Variants in CACNB2 observed in about 807,000 individuals in gnomAD.
The protein encoded by CACNB2 is calcium voltage-gated channel auxiliary subunit beta 2.
In CACNB2, 42 loss-of-function variants were observed where a neutral mutation model predicts 73.3. That is an observed-to-expected ratio of 0.57 (90% CI 0.45 to 0.74). The LOEUF is 0.74. Ranked by LOEUF, CACNB2 falls within the 30% of genes least tolerant of loss-of-function variation. The pLI is 0.00. For synonymous variants in CACNB2, 348 were observed against 310.3 expected (o/e 1.12, Z -1.28); for missense variants, 940 against 853.0 (o/e 1.10, Z -1.27).
At chr10:18,211,941 C>T (rs550451076) in intron 2 of CACNB2, among the ~76,000 whole-genome samples, 23 of 151,996 alleles carry the variant, frequency 1.5e-4, no homozygotes, top group Admixed American at 3.3e-4. Context: ...AACGTGCAGA[C>T]GTTTCTCTAG....
chr10:18,362,964 A>G (rs1254896818), intron 2 of CACNB2, among the ~76,000 whole-genome samples: 3 of 152,134 alleles, frequency 2.0e-5, no homozygotes, highest in Non-Finnish European at 4.4e-5. Flanking sequence ...ATGTTAGACC[A>G]GGTCTTCATT....
chr10:18,492,620 C>CAAAAAAAAAAAAAAAAAAAAAA (rs371407084), intron 3 of CACNB2, among the ~76,000 whole-genome samples: 1 of 90,508 alleles, frequency 1.1e-5, no homozygotes, highest in African/African-American at 4.5e-5. Context: ...GACTCTGTCT[C>CAAAAAAAAAAAAAAAAAAAAAA]AAAAAAAAAA....
intron 2 of CACNB2, among the ~76,000 whole-genome samples, chr10:18,341,570 CT>C (rs1401001987): frequency 2.0e-5 from 3 of 151,906 alleles, no homozygotes; most frequent in African/African-American, 7.3e-5. Context: ...TTATTGGTGC[CT>C]TTTTAGGAAA....
intron 2 of CACNB2, among the ~76,000 whole-genome samples, chr10:18,339,028 C>T (rs1472947905): frequency 6.6e-6 from 1 of 152,064 alleles, no homozygotes; most frequent in African/African-American, 2.4e-5. Context: ...GCGTGAGCTA[C>T]CATGCCCAGC....
At chr10:18,247,918 T>C (rs946289890) in intron 2 of CACNB2, among the ~76,000 whole-genome samples, 4 of 152,176 alleles carry the variant, frequency 2.6e-5, no homozygotes, top group Admixed American at 6.5e-5. Context: ...TTCCCCTGTT[T>C]CATAAATGGT....
At chr10:18,514,577 A>G (rs1395595228) in intron 7 of CACNB2, 3 of 1,585,674 alleles carry the variant, frequency 1.9e-6, no homozygotes, top group African/African-American at 1.3e-5. Flanking sequence ...CACTGGCATC[A>G]TTAGCATTAA....
chr10:18,398,667 TCACACACACA>T (rs755907676), intron 2 of CACNB2, among the ~76,000 whole-genome samples: 11 of 132,296 alleles, frequency 8.3e-5, no homozygotes, highest in Non-Finnish European at 1.3e-4. Flanking sequence ...AGTGAGACTG[TCACACACACA>T]CACACACACA....
intron 2 of CACNB2, among the ~76,000 whole-genome samples, chr10:18,218,375 T>C (rs999783266): frequency 6.6e-6 from 1 of 152,188 alleles, no homozygotes; most frequent in African/African-American, 2.4e-5. Context: ...TACAATTTAT[T>C]TGACATAGTA....
chr10:18,389,842 G>A (rs749035453), intron 2 of CACNB2, among the ~76,000 whole-genome samples: 4 of 152,180 alleles, frequency 2.6e-5, no homozygotes, highest in African/African-American at 7.2e-5. Flanking sequence ...AAATGGTATT[G>A]TGTTTAATTT....
intron 2 of CACNB2, among the ~76,000 whole-genome samples, chr10:18,170,736 G>T (rs958064616): frequency 6.6e-6 from 1 of 152,160 alleles, no homozygotes; most frequent in Non-Finnish European, 1.5e-5. Context: ...CGTGCTAGAG[G>T]GAAAACAGTT....
intron 3 of CACNB2, among the ~76,000 whole-genome samples, chr10:18,445,090 A>G (rs1468970878): frequency 6.6e-6 from 1 of 152,200 alleles, no homozygotes; most frequent in Non-Finnish European, 1.5e-5. Flanking sequence ...AGTATCTAAT[A>G]CAGTGAGATA....
chr10:18,498,221 G>C lies in CACNB2; in HGVS notation c.334-134G>C, dbSNP rs547663352. 40 of 1,053,744 alleles carry C rather than the reference G, an allele frequency of 3.8e-5. No individual in the cohort carries two copies. The Admixed American group carries it at 6.6e-4, about 17-fold the overall frequency. The allele number at this position is 1,053,744 out of a possible 1,614,324, so 65.3% of individuals were successfully genotyped here. A position where few individuals can be genotyped will look rare whatever the true frequency, so the allele number is the denominator to read the frequency against. On this transcript the variant is annotated intron_variant, in intron 3 of 13. Transcript: ENST00000324631. ...TTTGAATACGAACAAGCTGTTTTGT[G>C]ATAAAGAACCAGTGCAGAGGGGAAA...
intron 2 of CACNB2, among the ~76,000 whole-genome samples, chr10:18,371,761 C>A (rs986009923): frequency 9.2e-5 from 14 of 152,142 alleles, no homozygotes; most frequent in Non-Finnish European, 1.5e-4. Flanking sequence ...AGTTCTAGAT[C>A]CCTGAGGAAT....
intron 2 of CACNB2, among the ~76,000 whole-genome samples, chr10:18,344,109 C>A (rs1023573670): frequency 1.3e-4 from 19 of 150,126 alleles, no homozygotes; most frequent in Admixed American, 1.1e-3. Flanking sequence ...ACTGTGTATT[C>A]CTGTATGTTA....
intron 10 of CACNB2, among the ~76,000 whole-genome samples, chr10:18,530,793 G>C (rs1017857840): frequency 2.6e-5 from 4 of 152,158 alleles, no homozygotes; most frequent in Non-Finnish European, 5.9e-5. Context: ...TTTGCATGTG[G>C]ATTAATTTAG....
intron 3 of CACNB2, among the ~76,000 whole-genome samples, chr10:18,496,135 G>A (rs2049796425): frequency 7.0e-6 from 1 of 143,824 alleles, no homozygotes; most frequent in African/African-American, 2.6e-5. Context: ...GCAGTGAGCT[G>A]GGATCGTGCC....
chr10:18,422,053 T>C (rs573415770), intron 3 of CACNB2, among the ~76,000 whole-genome samples: 16 of 152,374 alleles, frequency 1.1e-4, no homozygotes, highest in African/African-American at 3.8e-4. Context: ...TTAGCGATTT[T>C]GATGTTCCGT....
intron 1 of CACNB2, 28 bp from the exon 2 acceptor site, chr10:18,150,855 C>CTTTTTTTTTTTTTTTGT: frequency 4.1e-6 from 2 of 483,392 alleles, no homozygotes; most frequent in Non-Finnish European, 6.1e-6. Flanking sequence ...TCTTATTTGT[C>CTTTTTTTTTTTTTTTGT]TTTTTTTTTT....
chr10:18,459,783 G>C (rs1485477961), intron 3 of CACNB2, among the ~76,000 whole-genome samples: 1 of 152,142 alleles, frequency 6.6e-6, no homozygotes, highest in African/African-American at 2.4e-5. Flanking sequence ...GTGATGGGTG[G>C]ATCACCTGAG....
Sources: gnomAD v4.1 joint callset for allele counts (sites outside exome capture counted in the v4.1 genomes callset) on GRCh38, gnomAD v4.1.1 for gene constraint, MANE v1.5 for transcripts, NCBI Gene and HGNC (gene_info 2026-07-23, HGNC 2026-07-21) for gene names.